The following GALNT15 variants were observed in gnomAD, a reference collection of about 807,000 sequenced individuals.
GALNT15 encodes polypeptide N-acetylgalactosaminyltransferase 15.
Under a neutral mutation model 66.8 loss-of-function variants are expected in GALNT15, and 67 were observed. The ratio of observed to expected loss-of-function variants is 1.00; its 90% CI spans 0.82 to 1.23. The LOEUF (loss-of-function observed/expected upper bound fraction) is 1.23, where lower values mean the gene tolerates loss of function less well. Among genes scored for constraint, GALNT15 ranks in the 50% most tolerant of loss-of-function variants. The pLI, the probability that GALNT15 is intolerant of heterozygous loss-of-function variation, is 0.00. For missense variants in GALNT15, 827 were observed against 804.3 expected, an observed-to-expected ratio of 1.03 and a Z score of -0.34; for synonymous variants, 313 against 311.5, an observed-to-expected ratio of 1.00 and a Z score of -0.05.
intron 6 of GALNT15, among the ~76,000 whole-genome samples, chr3:16,214,735 A>C (rs2063854606): frequency 6.6e-6 from 1 of 152,102 alleles, no homozygotes; most frequent in Non-Finnish European, 1.5e-5. Flanking sequence ...ACATCTTTTC[A>C]GGGGAGGTCA....
chr3:16,212,439 TA>T (rs1201619862), intron 5 of GALNT15, 129 bp from the exon 6 acceptor site: 1 of 814,560 alleles, frequency 1.2e-6, no homozygotes, highest in Non-Finnish European at 1.9e-6. Flanking sequence ...CTGAGGACCA[TA>T]ATCATCTTCA....
chr3:16,232,518 A>G (rs1012590546), downstream of GALNT15, among the ~76,000 whole-genome samples: 2 of 113,508 alleles, frequency 1.8e-5, no homozygotes, highest in African/African-American at 6.4e-5. Flanking sequence ...ATATTTATTT[A>G]AAAGAGACAT....
chr3:16,240,652 TCC>T, the GALNT15 span, among the ~76,000 whole-genome samples: 10 of 152,198 alleles, frequency 6.6e-5, no homozygotes, highest in African/African-American at 2.4e-4. Context: ...GAAGTAATAA[TCC>T]ACCTATGTTT....
intron 6 of GALNT15, among the ~76,000 whole-genome samples, chr3:16,217,204 C>T (rs372812698): frequency 6.6e-6 from 1 of 152,150 alleles, no homozygotes; most frequent in Non-Finnish European, 1.5e-5. Context: ...AATAAGTGCT[C>T]GGCTTACTTT....
chr3:16,175,099 C>A lies in GALNT15; in HGVS notation c.-53C>A. ...GCTGCAAGCTTGAAGGAGCCTGGAG[C>A]GGGAGAAAGCTAACTTGAACATGAC... On this transcript the variant is annotated 5_prime_UTR_variant, in exon 1 of 10. Coordinates refer to ENST00000339732, the MANE Select transcript of GALNT15 (RefSeq NM_054110.5). The surrounding 1 kb of genome is among the most constrained non-coding windows in gnomAD (Gnocchi z 5.6). 6.5e-7 allele frequency: 1 copy of A among 1,536,944 alleles called. No individual in the cohort carries two copies. Among genetic ancestry groups the A allele is most frequent in the Non-Finnish European group, 8.9e-7 (1 of 1,128,004 alleles).
chr3:16,233,037 T>G (rs73818329), downstream of GALNT15, among the ~76,000 whole-genome samples: 4,527 of 150,562 alleles, frequency 0.03, 254 homozygotes, highest in African/African-American at 0.1. Context: ...CTAACGGATC[T>G]CTTTTTGAAG....
chr3:16,195,866 GAC>G lies in GALNT15; in HGVS notation c.650_651del (p.Thr217SerfsTer86). ...TLLRTVHSILDTVPRAFLKEI... is the reference protein window; with the variant it reads ...TLLRTVHSILXTVPRAFLKEI... ...CCTGCGGACTGTACACAGCATCCTC[GAC>G]ACAGTGCCCAGGGCCTTCCTGAAGG... On this transcript the variant is annotated frameshift_variant, in exon 2 of 10. Coordinates refer to ENST00000339732, the MANE Select transcript of GALNT15 (RefSeq NM_054110.5). LOFTEE classifies it high-confidence loss of function. This position sits in a 1 kb window ranked among gnomAD's most constrained non-coding sequence, Gnocchi z 4.6. 1 of 1,614,118 alleles carries G rather than the reference GAC, an allele frequency of 6.2e-7. No individual in the cohort carries two copies. The highest frequency in any genetic ancestry group is 8.5e-7 in the Non-Finnish European group (1 of 1,180,006).
chr3:16,215,872 T>C (rs185977967), intron 6 of GALNT15, among the ~76,000 whole-genome samples: 133 of 135,264 alleles, frequency 9.8e-4, no homozygotes, highest in African/African-American at 3.5e-3. Flanking sequence ...ATCATGCCAC[T>C]GCACTCCAGC....
At position 16,227,495 on chromosome 3, in the gene GALNT15, C is replaced by A. The variant is rs538876281; in HGVS notation, c.1915C>A (p.Arg639=). The change falls in exon 10 of 10, where the codon CGA becomes AGA. Residue 639 remains arginine (R), a synonymous_variant. Transcript: ENST00000339732. This position sits in a 1 kb window ranked among gnomAD's most constrained non-coding sequence, Gnocchi z 4.5. ...RFDQINAVDE[R] is the part of the protein sequence containing the mutation. Reference sequence around the variant, plus strand: ...TGACCAGATCAATGCTGTGGATGAACGATGAATGTCAATGTCAGAAGGAAA... The same window carrying A: ...TGACCAGATCAATGCTGTGGATGAAAGATGAATGTCAATGTCAGAAGGAAA... The A allele has an allele frequency of 2.5e-6, 4 of 1,614,088 alleles. No individual in the cohort carries two copies. The highest frequency in any genetic ancestry group is 2.2e-5 in the South Asian group (2 of 91,078).
chr3:16,216,752 C>G (rs919626883), intron 6 of GALNT15, among the ~76,000 whole-genome samples: 2 of 152,170 alleles, frequency 1.3e-5, no homozygotes, highest in Non-Finnish European at 2.9e-5. Context: ...TGAAATTTTT[C>G]GCATGCTCAC....
the GALNT15 span, among the ~76,000 whole-genome samples, chr3:16,246,390 A>T: frequency 7.1e-6 from 1 of 140,606 alleles, no homozygotes; most frequent in Non-Finnish European, 1.5e-5. Flanking sequence ...CAGTGGTGCA[A>T]TCTCGGCCCA....
At chr3:16,214,402 T>A (rs777687215) in intron 6 of GALNT15, among the ~76,000 whole-genome samples, 2 of 152,268 alleles carry the variant, frequency 1.3e-5, no homozygotes, top group African/African-American at 2.4e-5. Flanking sequence ...ACTCAGTGTT[T>A]CTGCTTCCTC....
At position 16,195,836 on chromosome 3, in the gene GALNT15, A is replaced by G. The variant is rs753357098; in HGVS notation, c.616A>G (p.Thr206Ala). 3.2e-5 allele frequency: 51 copies of G among 1,613,782 alleles called. No homozygotes were observed. Among genetic ancestry groups the G allele is most frequent in the Admixed American group, 8.3e-5 (5 of 59,990 alleles). ...ILCFHDEAWS[T>A]LLRTVHSILD... ...CTGTTTCCATGATGAGGCCTGGTCC[A>G]CTCTCCTGCGGACTGTACACAGCAT... The change falls in exon 2 of 10, where the codon ACT becomes GCT. Residue 206 changes from threonine (T) to alanine (A), a missense_variant. Coordinates refer to ENST00000339732, the MANE Select transcript of GALNT15 (RefSeq NM_054110.5). The surrounding 1 kb of genome is among the most constrained non-coding windows in gnomAD (Gnocchi z 4.6).
In GALNT15 at chr3:16,227,327, C is replaced by A. The variant is rs376894539; in HGVS notation, c.1774-27C>A. ...TGACTGATTGTGGGGGACTGGTTTT[C>A]TTTTCTTTTTTCCTTTCTCTTTTTA... is the stretch of plus-strand genomic sequence containing the variant. On this transcript the variant is annotated intron_variant, in intron 9 of 9. Coordinates refer to ENST00000339732, the MANE Select transcript of GALNT15 (RefSeq NM_054110.5). This position sits in a 1 kb window ranked among gnomAD's most constrained non-coding sequence, Gnocchi z 4.5. 1.3e-6 allele frequency: 2 copies of A among 1,597,314 alleles called. No individual in the cohort carries two copies. Among genetic ancestry groups the A allele is most frequent in the African/African-American group, 2.7e-5 (2 of 73,718 alleles).
In GALNT15 at chr3:16,186,915, ATAAAGGTG is replaced by A. The variant is rs2063522614; in HGVS notation, c.540-8844_540-8837del. 6.6e-6 allele frequency among the ~76,000 whole-genome samples: 1 copy of A among 152,182 alleles called. No homozygotes were observed. The highest frequency in any genetic ancestry group is 1.5e-5 in the Non-Finnish European group (1 of 68,042). ...TTGAATCCATGGAATTGTACACTTT[ATAAAGGTG>A]GACATTATGGTATGTGAATTATATC... On this transcript the variant is annotated intron_variant, in intron 1 of 9. Transcript: ENST00000339732. This position sits in a 1 kb window ranked among gnomAD's most constrained non-coding sequence, Gnocchi z 5.1.
At position 16,200,652 on chromosome 3, in the gene GALNT15, C is replaced by T; in HGVS notation, c.740C>T (p.Ala247Val). ...QLKSALSEYVARLEGVKLLRS... is the reference protein window; with the variant it reads ...QLKSALSEYVVRLEGVKLLRS... Reference sequence around the variant, plus strand: ...AAGTCTGCTCTCAGCGAATATGTGGCCAGGCTGGAGGGGGTGAAGTTACTC... The same window carrying T: ...AAGTCTGCTCTCAGCGAATATGTGGTCAGGCTGGAGGGGGTGAAGTTACTC... Residue 247 changes from alanine (A) to valine (V), a missense_variant, in exon 3 of 10, where the codon GCC becomes GTC. Coordinates refer to ENST00000339732, the MANE Select transcript of GALNT15 (RefSeq NM_054110.5). This position sits in a 1 kb window ranked among gnomAD's most constrained non-coding sequence, Gnocchi z 4.4. The T allele has an allele frequency of 6.3e-7, 1 of 1,586,760 alleles. No individual in the cohort carries two copies. Among genetic ancestry groups the T allele is most frequent in the Non-Finnish European group, 8.6e-7 (1 of 1,166,520 alleles).
At position 16,191,415 on chromosome 3, in the gene GALNT15, T is replaced by G; in HGVS notation, c.540-4345T>G. ...TGTTCTTGGTGCTTTATAAAGATCA[T>G]TTCATCTCCACAACAGCAAATCCCA... On this transcript the variant is annotated intron_variant, in intron 1 of 9. Transcript: ENST00000339732. The surrounding 1 kb of genome is among the most constrained non-coding windows in gnomAD (Gnocchi z 5.2). 1.2e-6 allele frequency: 1 copy of G among 839,574 alleles called. No homozygotes were observed. Among genetic ancestry groups the G allele is most frequent in the Non-Finnish European group, 1.4e-6 (1 of 697,034 alleles). 52.0% of individuals were successfully genotyped at this position (839,574 alleles called of 1,614,324 possible). A position where few individuals can be genotyped will look rare whatever the true frequency, so the allele number is the denominator to read the frequency against.
rs1042366595 is a variant in GALNT15 at position 16,200,951 on chromosome 3, C to T, written c.911+128C>T. 6.3e-5 allele frequency: 42 copies of T among 671,594 alleles called. No homozygotes were observed. The highest frequency in any genetic ancestry group is 3.3e-4 in the South Asian group (12 of 36,080). 41.6% of individuals were successfully genotyped at this position (671,594 alleles called of 1,614,324 possible). On this transcript the variant is annotated intron_variant, in intron 3 of 9. Coordinates refer to ENST00000339732, the MANE Select transcript of GALNT15 (RefSeq NM_054110.5). The surrounding 1 kb of genome is among the most constrained non-coding windows in gnomAD (Gnocchi z 4.4). ...CCATTAGAGAGTGATATATTCCCTT[C>T]GGGTTTTCAGATGTGTAAGTTTTTT...
At position 16,175,561 on chromosome 3, in the gene GALNT15, C is replaced by A. The variant is rs375148823; in HGVS notation, c.410C>A (p.Ala137Asp). The A allele has an allele frequency of 6.2e-7, 1 of 1,613,802 alleles. No individual in the cohort carries two copies. The highest frequency in any genetic ancestry group is 8.5e-7 in the Non-Finnish European group (1 of 1,179,982). The change falls in exon 1 of 10, where the codon GCT becomes GAT. Residue 137 changes from alanine to aspartate, a missense_variant. Transcript: ENST00000339732. This position sits in a 1 kb window ranked among gnomAD's most constrained non-coding sequence, Gnocchi z 5.6. Reference protein sequence around the residue: ...DKEAPKRDWGADEDGEVSEEE... With the variant: ...DKEAPKRDWGDDEDGEVSEEE... ...GAAGCCCCAAAGAGGGACTGGGGGG[C>A]TGATGAGGACGGGGAGGTGTCTGAA...
Sources: gnomAD v4.1 joint callset for allele counts (sites outside exome capture counted in the v4.1 genomes callset) on GRCh38, gnomAD v4.1.1 for gene constraint, Gnocchi (gnomAD v3.1) non-coding constraint, MANE v1.5 for transcripts, NCBI Gene and HGNC (gene_info 2026-07-23, HGNC 2026-07-21) for gene names.